The following WDHD1 variants were observed in gnomAD, a reference collection of about 807,000 sequenced individuals.
WDHD1 encodes WD repeat and HMG-box DNA-binding protein 1.
WDHD1 carries 111 observed loss-of-function variants against 135.4 expected under a neutral mutation model. The observed-to-expected ratio is 0.82, with a 90% CI of 0.70 to 0.96. WDHD1 has a LOEUF of 0.96. WDHD1 is among the 40% of genes least tolerant of loss of function. The pLI, the probability that WDHD1 is intolerant of heterozygous loss-of-function variation, is 0.00. For missense variants in WDHD1, 1,351 were observed against 1,336.3 expected (o/e 1.01, Z -0.17); for synonymous variants, 434 against 439.0 (o/e 0.99, Z 0.14).
At chr14:54,942,641 T>C (rs2040858176) in intron 25 of WDHD1, among the ~76,000 whole-genome samples, 1 of 152,192 alleles carries the variant, frequency 6.6e-6, no homozygotes, top group Non-Finnish European at 1.5e-5. Flanking sequence ...TGAGTATATA[T>C]TCTTTGGGGT....
intron 12 of WDHD1, among the ~76,000 whole-genome samples, chr14:54,990,713 A>C (rs1474365966): frequency 6.6e-6 from 1 of 152,228 alleles, no homozygotes; most frequent in South Asian, 2.1e-4. Flanking sequence ...TCCTAAGAAC[A>C]TATCAGTAAA....
chr14:55,024,322 T>A (rs923920499), intron 2 of WDHD1, among the ~76,000 whole-genome samples: 1 of 152,216 alleles, frequency 6.6e-6, no homozygotes, highest in Non-Finnish European at 1.5e-5. Flanking sequence ...CAGCTCTACC[T>A]CTGAAATACG....
intron 10 of WDHD1, among the ~76,000 whole-genome samples, chr14:54,997,552 C>T (rs565963382): frequency 6.6e-6 from 1 of 152,088 alleles, no homozygotes; most frequent in Admixed American, 6.6e-5. Context: ...TTCAACCATT[C>T]CATTTATAGT....
Position 54,946,455 on chromosome 14 carries a change from C to A in WDHD1, c.3051-1985G>T, listed in dbSNP as rs570145831. ...AAAAGTAAGTTTTTTGTATAACCAA[C>A]TGATAGTATGAAAAATTAAATTATC... On this transcript the variant is annotated intron_variant, in intron 24 of 25. Transcript: ENST00000360586. Among the ~76,000 whole-genome samples the A allele has an allele frequency of 1.3e-5, 2 of 152,320 alleles. 1 individual carries two copies. The highest frequency in any genetic ancestry group is 4.8e-5 in the African/African-American group (2 of 41,568).
At chr14:54,970,137 A>G (rs970385010) in intron 16 of WDHD1, among the ~76,000 whole-genome samples, 7 of 152,248 alleles carry the variant, frequency 4.6e-5, no homozygotes, top group South Asian at 4.1e-4. Flanking sequence ...AAGAATTGGA[A>G]TAAGACAAGG....
rs1242301857 is a variant in WDHD1, at chr14:55,026,802, A to G, written c.-15T>C. The G allele has an allele frequency of 1.2e-6, 2 of 1,613,720 alleles. No individual in the cohort carries two copies. The highest frequency in any genetic ancestry group is 1.7e-5 in the Admixed American group (1 of 60,010). On this transcript the variant is annotated splice_region_variant and 5_prime_UTR_variant, in exon 2 of 26. Transcript: ENST00000360586. ...GTGGCAGGCATGTTTTCCTTTACCT[A>G]TCTGAAAATGTTTTATAAAAGCCAG...
intron 21 of WDHD1, among the ~76,000 whole-genome samples, chr14:54,958,128 A>AC (rs1555366378): frequency 7.1e-6 from 1 of 139,958 alleles, no homozygotes; most frequent in Admixed American, 7.2e-5. Context: ...CCATCCAGCC[A>AC]TTTTTTTTTT....
intron 12 of WDHD1, among the ~76,000 whole-genome samples, chr14:54,989,516 T>C (rs920401850): frequency 6.6e-5 from 10 of 152,136 alleles, no homozygotes; most frequent in African/African-American, 2.4e-4. Context: ...CACATTACAG[T>C]TGTCCTTTGA....
In WDHD1 at chr14:54,940,964, A is replaced by T. The variant is rs2040828342; in HGVS notation, c.*526T>A. 6.6e-6 allele frequency: 1 copy of T among 152,212 alleles called. No individual in the cohort carries two copies. The highest frequency in any genetic ancestry group is 2.4e-5 in the African/African-American group (1 of 41,454). 9.4% of individuals were successfully genotyped at this position (152,212 alleles called of 1,614,324 possible). A position where few individuals can be genotyped will look rare whatever the true frequency, so the allele number is the denominator to read the frequency against. ...ACAGACAACTGAAAGCCACATAGGA[A>T]ATTTCCGAAACACAAAAGAAAAAGT... On this transcript the variant is annotated 3_prime_UTR_variant, in exon 26 of 26. Transcript: ENST00000360586.
Position 55,013,606 on chromosome 14 carries a change from A to C in WDHD1, c.78-10T>G. ...ACAAGTCACAATAAAACTGTGAAGA[A>C]AAGACACAAATTAAAGTCATCGGGC... On this transcript the variant is annotated splice_polypyrimidine_tract_variant and intron_variant, in intron 2 of 25. Coordinates refer to ENST00000360586, the MANE Select transcript of WDHD1 (RefSeq NM_007086.4). 2 of 1,606,388 alleles carry C rather than the reference A, an allele frequency of 1.2e-6. No homozygotes were observed. The highest frequency in any genetic ancestry group is 1.7e-6 in the Non-Finnish European group (2 of 1,172,986).
chr14:54,965,010 A>G (rs1208984370), intron 18 of WDHD1, among the ~76,000 whole-genome samples: 1 of 152,244 alleles, frequency 6.6e-6, no homozygotes, highest in Non-Finnish European at 1.5e-5. Context: ...GCCATGTTGC[A>G]TAAAGGTGAC....
chr14:54,987,494 C>T, intron 13 of WDHD1, 107 bp from the exon 14 acceptor site: 1 of 977,890 alleles, frequency 1.0e-6, no homozygotes, highest in Non-Finnish European at 1.4e-6. Flanking sequence ...TAGTTTACTT[C>T]CTATTATACA....
At chr14:55,007,172 G>A in intron 7 of WDHD1, 108 bp downstream of exon 7, 1 of 851,458 alleles carries the variant, frequency 1.2e-6, no homozygotes, top group Non-Finnish European at 1.8e-6. Flanking sequence ...AGGTTGCAGT[G>A]AGCCGAGATT....
At chr14:55,014,596 A>G (rs1285041369) in intron 2 of WDHD1, among the ~76,000 whole-genome samples, 1 of 152,216 alleles carries the variant, frequency 6.6e-6, no homozygotes, top group Non-Finnish European at 1.5e-5. Context: ...AACCATCTGT[A>G]TCTATCATAA....
At chr14:55,013,368 A>G in intron 3 of WDHD1, 117 bp downstream of exon 3, 1 of 694,148 alleles carries the variant, frequency 1.4e-6, no homozygotes. Context: ...ACATTTTAAA[A>G]TATTATTTCA....
At chr14:54,976,610 C>T (rs1317828671) in intron 16 of WDHD1, among the ~76,000 whole-genome samples, 1 of 152,138 alleles carries the variant, frequency 6.6e-6, no homozygotes, top group Non-Finnish European at 1.5e-5. Flanking sequence ...CCGCTATCCA[C>T]AGAAAGGAAA....
At chr14:55,014,959 G>C (rs908504640) in intron 2 of WDHD1, among the ~76,000 whole-genome samples, 1 of 152,094 alleles carries the variant, frequency 6.6e-6, no homozygotes, top group Non-Finnish European at 1.5e-5. Context: ...ACCTGGAGCA[G>C]ACAAGCCAGG....
chr14:54,993,107 A>C (rs1177273683), intron 11 of WDHD1, among the ~76,000 whole-genome samples: 4 of 152,094 alleles, frequency 2.6e-5, no homozygotes, highest in African/African-American at 9.7e-5. Context: ...CAGACCAATG[A>C]ATTTTTTGAT....
rs576527409 is a variant in WDHD1 at position 55,006,880 on chromosome 14, A to C, written c.600+400T>G. The stretch of plus-strand genomic sequence containing the variant: ...ATCCAAATTTTTAAAAAGTAATTAA[A>C]AAAACTATTTTTACACTCAAAGTTG... On this transcript the variant is annotated intron_variant, in intron 7 of 25. Transcript: ENST00000360586. Among the ~76,000 whole-genome samples, 21 of 152,294 alleles carry C rather than the reference A, an allele frequency of 1.4e-4. No individual in the cohort carries two copies. The East Asian group carries it at 4.0e-3, about 29-fold the overall frequency.
Sources: allele counts gnomAD v4.1 joint callset (sites outside exome capture counted in the v4.1 genomes callset), GRCh38; gene constraint gnomAD v4.1.1; transcripts MANE v1.5; gene names NCBI Gene and HGNC (gene_info 2026-07-23, HGNC 2026-07-21).